PTPRG: variants seen among roughly 807,000 people sequenced by gnomAD.
PTPRG encodes the protein protein tyrosine phosphatase receptor type G, also known as receptor-type tyrosine-protein phosphatase gamma.
A neutral mutation model predicts 165.3 loss-of-function variants in PTPRG; 102 were observed. The ratio of observed to expected loss-of-function variants is 0.62; its 90% CI spans 0.53 to 0.73. PTPRG has a LOEUF of 0.73. PTPRG is among the 30% of genes least tolerant of loss of function. The pLI is 0.00. For missense variants in PTPRG, 1,866 were observed against 1,861.4 expected (o/e 1.00, Z -0.05); for synonymous variants, 675 against 669.5 (o/e 1.01, Z -0.13).
intron 2 of PTPRG, among the ~76,000 whole-genome samples, chr3:61,786,311 G>A (rs1017404931): frequency 6.6e-6 from 1 of 152,290 alleles, no homozygotes; most frequent in South Asian, 2.1e-4. Context: ...TTTAATCTGA[G>A]TAAAGGACAT....
At chr3:61,801,052 C>T (rs1333050035) in intron 2 of PTPRG, among the ~76,000 whole-genome samples, 1 of 152,124 alleles carries the variant, frequency 6.6e-6, no homozygotes, top group Non-Finnish European at 1.5e-5. Context: ...CACCGCCTGC[C>T]GTAGCTTCCC....
intron 2 of PTPRG, among the ~76,000 whole-genome samples, chr3:61,766,912 G>T (rs113881914): frequency 6.6e-6 from 1 of 150,724 alleles, no homozygotes; most frequent in African/African-American, 2.4e-5. Context: ...GAGCCATCGC[G>T]CCCAGCCCAG....
intron 2 of PTPRG, among the ~76,000 whole-genome samples, chr3:61,807,670 GC>G (rs1189402559): frequency 4.6e-5 from 7 of 152,158 alleles, no homozygotes; most frequent in African/African-American, 1.7e-4. Flanking sequence ...TTGTGTAAAT[GC>G]CATCTTGATA....
chr3:61,854,785 A>G (rs1181783571), intron 2 of PTPRG, among the ~76,000 whole-genome samples: 2 of 152,342 alleles, frequency 1.3e-5, no homozygotes, highest in South Asian at 2.1e-4. Context: ...CACATATCCT[A>G]AAAACCTGTA....
chr3:62,039,476 G>C (rs1303402175), intron 4 of PTPRG, among the ~76,000 whole-genome samples: 2 of 152,058 alleles, frequency 1.3e-5, no homozygotes, highest in Non-Finnish European at 2.9e-5. Context: ...CTACACGAAA[G>C]CACAGAATGT....
At chr3:61,763,032 G>A (rs1173869983) in intron 2 of PTPRG, among the ~76,000 whole-genome samples, 1 of 152,094 alleles carries the variant, frequency 6.6e-6, no homozygotes, top group African/African-American at 2.4e-5. Flanking sequence ...CATGTAACAT[G>A]TTCTTCAAAG....
rs1553667466 is a variant in PTPRG, at chr3:62,281,551, T to TG, written c.3766-10dup. 1.4e-6 allele frequency: 2 copies of TG among 1,466,126 alleles called. No individual in the cohort carries two copies. The highest frequency in any genetic ancestry group is 2.7e-5 in the South Asian group (2 of 73,042). The allele number at this position is 1,466,126 out of a possible 1,614,324, so 90.8% of individuals were successfully genotyped here. A position where few individuals can be genotyped will look rare whatever the true frequency, so the allele number is the denominator to read the frequency against. On this transcript the variant is annotated splice_polypyrimidine_tract_variant and intron_variant, in intron 26 of 29. Transcript: ENST00000474889. ...GAACTGCAGAGGCTTTTTTTTTTTTTGGATTCCAAAGGCAGAAGATGAGTT... is the reference window on the plus strand; with the variant it reads ...GAACTGCAGAGGCTTTTTTTTTTTTTGGGATTCCAAAGGCAGAAGATGAGTT...
At chr3:61,985,717 C>A (rs1261609559) in intron 2 of PTPRG, among the ~76,000 whole-genome samples, 1 of 152,108 alleles carries the variant, frequency 6.6e-6, no homozygotes, top group East Asian at 1.9e-4. Context: ...TAAATTTCTT[C>A]TTTGATTGAC....
chr3:61,598,975 A>G (rs755879519), intron 1 of PTPRG, among the ~76,000 whole-genome samples: 1 of 152,152 alleles, frequency 6.6e-6, no homozygotes, highest in Non-Finnish European at 1.5e-5. Flanking sequence ...TAATGACTTC[A>G]TCTTAATTAA....
At chr3:62,110,993 T>C (rs1702649915) in intron 5 of PTPRG, among the ~76,000 whole-genome samples, 1 of 152,176 alleles carries the variant, frequency 6.6e-6, no homozygotes, top group African/African-American at 2.4e-5. Flanking sequence ...AATGTCATTG[T>C]TTTAGAGATT....
At position 61,700,004 on chromosome 3, in the gene PTPRG, G is replaced by T. The variant is rs796251454; in HGVS notation, c.86-48874G>T. 2.0e-4 allele frequency among the ~76,000 whole-genome samples: 31 copies of T among 152,184 alleles called. 1 individual carries two copies. The highest frequency in any genetic ancestry group is 7.5e-4 in the African/African-American group (31 of 41,532). On this transcript the variant is annotated intron_variant, in intron 1 of 29. Coordinates refer to ENST00000474889, the MANE Select transcript of PTPRG (RefSeq NM_002841.4). ...AGTTTTGAGGGCCCTTCAAGTTTAG[G>T]TCAGTGATATCTGGGATTCTGGGTT...
intron 2 of PTPRG, among the ~76,000 whole-genome samples, chr3:61,780,657 C>G (rs947280374): frequency 8.5e-5 from 13 of 152,168 alleles, no homozygotes; most frequent in Admixed American, 7.2e-4. Context: ...CCTAGTCAGT[C>G]CCTACTGATG....
Position 61,929,083 on chromosome 3 carries a change from G to T in PTPRG, c.191-60542G>T, listed in dbSNP as rs78793364. On this transcript the variant is annotated intron_variant, in intron 2 of 29. Coordinates refer to ENST00000474889, the MANE Select transcript of PTPRG (RefSeq NM_002841.4). Reference sequence around the variant, plus strand: ...GCCCCAAATGAGAAACCCTAGAGTGGCATAACCAAAACCAAATGCTTTAAT... The same window carrying T: ...GCCCCAAATGAGAAACCCTAGAGTGTCATAACCAAAACCAAATGCTTTAAT... Among the ~76,000 whole-genome samples, 106 of 152,284 alleles carry T rather than the reference G, an allele frequency of 7.0e-4. 1 individual carries two copies. In the East Asian group the frequency reaches 0.019, roughly 27 times the overall value.
intron 1 of PTPRG, among the ~76,000 whole-genome samples, chr3:61,675,290 G>A (rs1489846547): frequency 6.6e-6 from 1 of 152,114 alleles, no homozygotes; most frequent in African/African-American, 2.4e-5. Context: ...AGGCTAGAAT[G>A]GTAAGGTTTA....
Position 62,209,959 on chromosome 3 carries a change from G to A in PTPRG, c.2155+6009G>A, listed in dbSNP as rs143864915. 1.8e-4 allele frequency among the ~76,000 whole-genome samples: 27 copies of A among 152,264 alleles called. No individual in the cohort carries two copies. In the East Asian group the frequency reaches 4.8e-3, roughly 27 times the overall value. ...TGTCCGTGACTGATTTCAGAACCACGTACTATTGCAACCAACTGTCAGTGG... is the reference window on the plus strand; with the variant it reads ...TGTCCGTGACTGATTTCAGAACCACATACTATTGCAACCAACTGTCAGTGG... On this transcript the variant is annotated intron_variant, in intron 12 of 29. Transcript: ENST00000474889.
chr3:61,576,677 AAGAG>A (rs1700179745), intron 1 of PTPRG, among the ~76,000 whole-genome samples: 1 of 152,208 alleles, frequency 6.6e-6, no homozygotes, highest in South Asian at 2.1e-4. Flanking sequence ...TAGCATGAGA[AAGAG>A]AGGTGTATCC....
intron 5 of PTPRG, among the ~76,000 whole-genome samples, chr3:62,081,796 G>A (rs565245234): frequency 3.9e-5 from 6 of 152,274 alleles, no homozygotes; most frequent in African/African-American, 9.6e-5. Context: ...TGATAAATTT[G>A]AGAGTTTGAT....
chr3:62,264,701 G>A (rs1414934892), intron 17 of PTPRG, among the ~76,000 whole-genome samples: 1 of 152,084 alleles, frequency 6.6e-6, no homozygotes, highest in Admixed American at 6.6e-5. Flanking sequence ...ATCATTTGAT[G>A]GACATTGTTT....
chr3:61,940,865 C>T (rs1313813892), intron 2 of PTPRG, among the ~76,000 whole-genome samples: 1 of 151,962 alleles, frequency 6.6e-6, no homozygotes, highest in Non-Finnish European at 1.5e-5. Flanking sequence ...GGGGTTTCAC[C>T]GTGTTAGCCA....
Sources: allele counts gnomAD v4.1 joint callset (sites outside exome capture counted in the v4.1 genomes callset), GRCh38; gene constraint gnomAD v4.1.1; transcripts MANE v1.5; gene names NCBI Gene and HGNC (gene_info 2026-07-23, HGNC 2026-07-21).